Variants in GDAP2 observed in about 807,000 individuals in gnomAD.
GDAP2 encodes the protein ganglioside induced differentiation associated protein 2, also known as ganglioside-induced differentiation-associated protein 2.
A neutral mutation model predicts 67.0 loss-of-function variants in GDAP2; 51 were observed. The observed-to-expected ratio is 0.76, with a 90% confidence interval of 0.61 to 0.96. The LOEUF is 0.96. Among genes scored for constraint, GDAP2 ranks in the 40% least tolerant of loss-of-function variants. The probability of loss-of-function intolerance (pLI) is 0.00; values close to 1 mark genes in which losing one functional copy is unlikely to be tolerated. For synonymous variants in GDAP2, 203 were observed against 207.3 expected (o/e 0.98, Z 0.18); for missense variants, 547 against 588.3 (o/e 0.93, Z 0.73).
chr1:117,875,192 A>G (rs1440141459), intron 13 of GDAP2, among the ~76,000 whole-genome samples: 1 of 152,352 alleles, frequency 6.6e-6, no homozygotes, highest in Non-Finnish European at 1.5e-5. Context: ...AGCTCCTCGC[A>G]TCACAGACCC....
chr1:117,922,386 T>A (rs957789183), intron 1 of GDAP2, among the ~76,000 whole-genome samples: 2 of 152,068 alleles, frequency 1.3e-5, no homozygotes, highest in African/African-American at 4.8e-5. Flanking sequence ...AAAAGCCAAG[T>A]GAAGAAAACA....
chr1:117,898,978 A>C, intron 7 of GDAP2, 79 bp downstream of exon 7: 1 of 1,052,204 alleles, frequency 9.5e-7, no homozygotes, highest in Non-Finnish European at 1.5e-6. Flanking sequence ...GTCAAGCTGA[A>C]TTTCTTACTT....
intron 12 of GDAP2, among the ~76,000 whole-genome samples, chr1:117,879,759 T>C (rs1360224523): frequency 6.6e-6 from 1 of 152,130 alleles, no homozygotes; most frequent in East Asian, 1.9e-4. Flanking sequence ...TTAGGCTTTA[T>C]TGCCTCCCCA....
chr1:117,926,905 T>G (rs1448096477), intron 1 of GDAP2, among the ~76,000 whole-genome samples: 4 of 152,104 alleles, frequency 2.6e-5, no homozygotes, highest in African/African-American at 9.7e-5. Context: ...CAGCCAGAAT[T>G]TTTGCTAACA....
At chr1:117,922,275 T>C (rs1472559396) in intron 1 of GDAP2, among the ~76,000 whole-genome samples, 1 of 151,940 alleles carries the variant, frequency 6.6e-6, no homozygotes, top group African/African-American at 2.4e-5. Flanking sequence ...AAGGACTGAG[T>C]CCTACAACAA....
intron 3 of GDAP2, among the ~76,000 whole-genome samples, chr1:117,915,859 A>G (rs1260188794): frequency 6.6e-6 from 1 of 152,212 alleles, no homozygotes; most frequent in East Asian, 1.9e-4. Flanking sequence ...GTATTTTCCT[A>G]TCAAGGATTC....
rs956893999 is a variant in GDAP2 at position 117,863,632 on chromosome 1, C to T, written c.*6937G>A. On this transcript the variant is annotated 3_prime_UTR_variant, in exon 14 of 14. Transcript: ENST00000369443. ...CCCCTCTACAGAATCACTGATTTGA[C>T]AATAAATATTTTTGAGAAAATATAA... The T allele has an allele frequency of 3.9e-5, 6 of 152,036 alleles. No individual in the cohort carries two copies. Among genetic ancestry groups the T allele is most frequent in the African/African-American group, 1.5e-4 (6 of 41,366 alleles). The allele number at this position is 152,036 out of a possible 1,614,324, so 9.4% of individuals were successfully genotyped here. A position where few individuals can be genotyped will look rare whatever the true frequency, so the allele number is the denominator to read the frequency against.
At chr1:117,880,896 A>G (rs1401991071) in intron 12 of GDAP2, among the ~76,000 whole-genome samples, 1 of 152,214 alleles carries the variant, frequency 6.6e-6, no homozygotes, top group Non-Finnish European at 1.5e-5. Flanking sequence ...GATTCACAGC[A>G]CAGGGAAAGG....
chr1:117,923,373 T>C (rs1012482738), intron 1 of GDAP2, among the ~76,000 whole-genome samples: 1 of 152,224 alleles, frequency 6.6e-6, no homozygotes, highest in Non-Finnish European at 1.5e-5. Context: ...GTTCAGAGAC[T>C]GCAGTAAAGA....
chr1:117,881,835 TGTG>T lies in GDAP2; in HGVS notation c.1287_1289del (p.Thr430del). ...AAAAATACTGTACCTTTGAACGAAATGTGGGATGTACAAAATAAACAGCCTTCA... is the reference window on the plus strand; with the variant it reads ...AAAAATACTGTACCTTTGAACGAAATGGATGTACAAAATAAACAGCCTTCA... On this transcript the variant is annotated inframe_deletion, in exon 12 of 14. Coordinates refer to ENST00000369443, the MANE Select transcript of GDAP2 (RefSeq NM_017686.4). 1 of 1,563,076 alleles carries T rather than the reference TGTG, an allele frequency of 6.4e-7. No homozygotes were observed. The highest frequency in any genetic ancestry group is 8.8e-7 in the Non-Finnish European group (1 of 1,133,654).
At chr1:117,910,545 T>C (rs1331200208) in intron 5 of GDAP2, among the ~76,000 whole-genome samples, 1 of 152,198 alleles carries the variant, frequency 6.6e-6, no homozygotes, top group African/African-American at 2.4e-5. Context: ...ATACTCACCC[T>C]AAACTCCAGG....
chr1:117,900,577 C>G (rs1416317432), intron 6 of GDAP2, among the ~76,000 whole-genome samples: 1 of 152,040 alleles, frequency 6.6e-6, no homozygotes, highest in Non-Finnish European at 1.5e-5. Flanking sequence ...ATCAACCTGA[C>G]CAACATGGTG....
chr1:117,878,213 A>G (rs1162812580), intron 12 of GDAP2, 61 bp from the exon 13 acceptor site: 4 of 841,832 alleles, frequency 4.8e-6, no homozygotes, highest in Non-Finnish European at 7.3e-6. Context: ...ACATAAACAC[A>G]ATTTGGAAAA....
intron 1 of GDAP2, among the ~76,000 whole-genome samples, chr1:117,924,544 T>C (rs923425588): frequency 2.6e-5 from 4 of 152,212 alleles, no homozygotes; most frequent in African/African-American, 9.6e-5. Context: ...CACAATACAT[T>C]CCGTGATGTT....
intron 5 of GDAP2, 97 bp downstream of exon 5, chr1:117,911,897 T>C: frequency 1.5e-6 from 1 of 680,606 alleles, no homozygotes; most frequent in Non-Finnish European, 2.7e-6. Flanking sequence ...TGCCTCAGCC[T>C]CCCAAGTCGC....
chr1:117,920,234 C>T lies in GDAP2; in HGVS notation c.124G>A (p.Val42Ile). ...TTAEIFQEDTVRSPFLYNKDV... is the reference protein window; with the variant it reads ...TTAEIFQEDTIRSPFLYNKDV... The stretch of plus-strand genomic sequence containing the variant: ...TTATTATAAAGAAAAGGTGATCGAA[C>T]AGTGTCTTCCTGAAATATTTCAGCT... The change falls in exon 2 of 14, where the codon GTT (valine) becomes ATT (isoleucine). Residue 42 changes from valine to isoleucine, a missense_variant. By Grantham distance (29) the Val-to-Ile change is conservative (BLOSUM62 3). Transcript: ENST00000369443. 3 of 1,608,944 alleles carry T rather than the reference C, an allele frequency of 1.9e-6. No homozygotes were observed. Among genetic ancestry groups the T allele is most frequent in the Non-Finnish European group, 2.6e-6 (3 of 1,176,186 alleles).
rs73011986 is a variant in GDAP2, at chr1:117,890,270, G to A, written c.954-2496C>T. Among the ~76,000 whole-genome samples the A allele has an allele frequency of 8.4e-3, 1,283 of 152,104 alleles. 23 individuals carry two copies. The highest frequency in any genetic ancestry group is 0.03 in the African/African-American group (1,225 of 41,500). The stretch of plus-strand genomic sequence containing the variant: ...ATGCTCCCTTCTTTGTATCCCCAAA[G>A]ACTTCTACCATGTTCAGTGCAAGAT... On this transcript the variant is annotated intron_variant, in intron 8 of 13. Transcript: ENST00000369443.
chr1:117,888,250 T>C (rs576074149), intron 8 of GDAP2, among the ~76,000 whole-genome samples: 5 of 152,266 alleles, frequency 3.3e-5, no homozygotes, highest in Admixed American at 6.5e-5. Flanking sequence ...AGTTCACTTT[T>C]CAGGGGAAAA....
intron 8 of GDAP2, among the ~76,000 whole-genome samples, chr1:117,891,781 C>G (rs1042397230): frequency 3.8e-5 from 5 of 129,914 alleles, no homozygotes; most frequent in African/African-American, 9.9e-5. Context: ...CTTTTCATGT[C>G]TTTAAAAAAA....
Sources: allele counts gnomAD v4.1 joint callset (sites outside exome capture counted in the v4.1 genomes callset), GRCh38; gene constraint gnomAD v4.1.1; transcripts MANE v1.5; gene names NCBI Gene and HGNC (gene_info 2026-07-23, HGNC 2026-07-21).